Variants in ABCB1 observed in about 807,000 individuals in gnomAD.
ABCB1 encodes ATP-dependent translocase ABCB1.
ABCB1 carries 69 observed loss-of-function variants against 142.0 expected under a neutral mutation model. That is an observed-to-expected ratio of 0.49 (90% CI 0.40 to 0.59). The LOEUF is 0.59. Ranked by LOEUF, ABCB1 falls within the 20% of genes least tolerant of loss-of-function variation. ABCB1 has a pLI of 0.00. For synonymous variants in ABCB1, 532 were observed against 539.2 expected (o/e 0.99, Z 0.18); for missense variants, 1,326 against 1,554.7 (o/e 0.85, Z 2.47).
intron 8 of ABCB1, among the ~76,000 whole-genome samples, chr7:87,555,639 C>T (rs965435646): frequency 6.6e-6 from 1 of 152,042 alleles, no homozygotes; most frequent in Non-Finnish European, 1.5e-5. Context: ...AGTTTCTACC[C>T]CCCAAAATGT....
chr7:87,544,383 T>C, intron 16 of ABCB1, 108 bp from the exon 17 acceptor site: 1 of 1,099,524 alleles, frequency 9.1e-7, no homozygotes, highest in South Asian at 1.4e-5. Context: ...TTATTCCTTA[T>C]CAATGAATAA....
intron 20 of ABCB1, among the ~76,000 whole-genome samples, chr7:87,532,546 G>A (rs138438883): frequency 2.0e-5 from 3 of 152,196 alleles, no homozygotes; most frequent in East Asian, 3.9e-4. Flanking sequence ...ACACACCAGC[G>A]CCATGACAAT....
chr7:87,608,973 T>C (rs936280294), intron 1 of ABCB1, among the ~76,000 whole-genome samples: 2 of 152,222 alleles, frequency 1.3e-5, no homozygotes, highest in Admixed American at 6.5e-5. Context: ...GTACCCTGTA[T>C]ATGTCACATA....
At chr7:87,577,221 A>G (rs1005854455) in intron 4 of ABCB1, among the ~76,000 whole-genome samples, 3 of 152,044 alleles carry the variant, frequency 2.0e-5, no homozygotes, top group Non-Finnish European at 1.5e-5. Context: ...CTCCAGTTCC[A>G]TTTTTGTTGT....
intron 23 of ABCB1, among the ~76,000 whole-genome samples, chr7:87,518,719 A>G (rs1815357219): frequency 6.6e-6 from 1 of 152,174 alleles, no homozygotes; most frequent in South Asian, 2.1e-4. Flanking sequence ...GATTACACAT[A>G]CTTTTGACCA....
intron 8 of ABCB1, among the ~76,000 whole-genome samples, chr7:87,556,580 T>G (rs556885575): frequency 6.6e-6 from 1 of 152,270 alleles, no homozygotes; most frequent in African/African-American, 2.4e-5. Context: ...ACTTTCAAGT[T>G]ATATCCCAAA....
At chr7:87,707,516 A>T (rs1585160457) in intron 1 of ABCB1, among the ~76,000 whole-genome samples, 1 of 152,010 alleles carries the variant, frequency 6.6e-6, no homozygotes, top group African/African-American at 2.4e-5. Flanking sequence ...TCCACAAAAA[A>T]TACAAAAATT....
chr7:87,560,088 T>C (rs1375586823), intron 8 of ABCB1, among the ~76,000 whole-genome samples: 4 of 152,210 alleles, frequency 2.6e-5, no homozygotes, highest in African/African-American at 9.6e-5. Context: ...ATTTGATTAT[T>C]TGTGGTTGTC....
At chr7:87,568,240 G>GACAATAATAATAATAATAATA (rs1160421066) in intron 5 of ABCB1, among the ~76,000 whole-genome samples, 1,736 of 124,312 alleles carry the variant, frequency 0.014, 24 homozygotes, top group South Asian at 0.024. Context: ...CTAAAAATAC[G>GACAATAATAATAATAATAATA]ACAATAATAA....
At chr7:87,530,456 C>G (rs905803661) in intron 21 of ABCB1, among the ~76,000 whole-genome samples, 1 of 151,808 alleles carries the variant, frequency 6.6e-6, no homozygotes, top group African/African-American at 2.4e-5. Context: ...CTCAGCCCCA[C>G]TAGAAAAATG....
rs149359465 is a variant in ABCB1 at position 87,545,931 on chromosome 7, C to T, written c.1819G>A (p.Val607Met). ...AGTTCATCATGATTTCCTTTCTCCA[C>T]AATGACTCCATCATCGAAACCAGCG... ...VIAGFDDGVI[V>M]EKGNHDELMK... Residue 607 changes from valine (V) to methionine (M), a missense_variant, in exon 15 of 28, where the codon GTG becomes ATG. Transcript: ENST00000622132. The T allele has an allele frequency of 2.2e-5, 35 of 1,614,054 alleles. No homozygotes were observed. The African/African-American group carries it at 4.5e-4, about 21-fold the overall frequency.
chr7:87,577,385 A>G (rs901552901), intron 4 of ABCB1, among the ~76,000 whole-genome samples: 3 of 152,172 alleles, frequency 2.0e-5, no homozygotes, highest in African/African-American at 7.2e-5. Flanking sequence ...ATGGGAGTGC[A>G]GGTTCGATAT....
Position 87,666,274 on chromosome 7 carries a change from C to T in ABCB1, c.-331+46887G>A, listed in dbSNP as rs968820201. On this transcript the variant is annotated intron_variant, in intron 1 of 28. Transcript: ENST00000265724. ...GCTTTCTTTTCATATGCTTGTGGGC[C>T]GTGTGTATGCTTCCTTTGAAAAGTG... Among the ~76,000 whole-genome samples, 6 of 151,872 alleles carry T rather than the reference C, an allele frequency of 4.0e-5. 1 individual carries two copies. The East Asian group carries it at 5.8e-4, about 15-fold the overall frequency.
intron 1 of ABCB1, among the ~76,000 whole-genome samples, chr7:87,684,708 A>G (rs1040808467): frequency 2.9e-5 from 4 of 138,090 alleles, no homozygotes; most frequent in African/African-American, 1.1e-4. Context: ...AGATCGTGCC[A>G]CTGCACTCCA....
At chr7:87,620,172 T>C (rs1380877096) in intron 1 of ABCB1, among the ~76,000 whole-genome samples, 1 of 151,902 alleles carries the variant, frequency 6.6e-6, no homozygotes, top group Non-Finnish European at 1.5e-5. Flanking sequence ...TCTTTCTTTC[T>C]TTTTTTTAGA....
chr7:87,549,216 T>C (rs1304307873), intron 14 of ABCB1, 132 bp downstream of exon 14: 2 of 1,047,294 alleles, frequency 1.9e-6, no homozygotes, highest in Non-Finnish European at 2.8e-6. Flanking sequence ...CCAATGCTTT[T>C]ATTTTAATAG....
In ABCB1 at chr7:87,627,141, T is replaced by G. The variant is rs569837165; in HGVS notation, c.-330-26063A>C. Among the ~76,000 whole-genome samples the G allele has an allele frequency of 9.8e-5, 15 of 152,298 alleles. No homozygotes were observed. In the South Asian group the frequency reaches 2.9e-3, roughly 29 times the overall value. ...AGACATGGTAGCTGAAAAGGATGATTTTTTGACTATTTTAAATAGAGATTT... is the reference window on the plus strand; with the variant it reads ...AGACATGGTAGCTGAAAAGGATGATGTTTTGACTATTTTAAATAGAGATTT... On this transcript the variant is annotated intron_variant, in intron 1 of 28. Coordinates refer to the ABCB1 transcript ENST00000265724.
At chr7:87,656,937 A>G (rs1018606276) in intron 1 of ABCB1, among the ~76,000 whole-genome samples, 3 of 152,176 alleles carry the variant, frequency 2.0e-5, no homozygotes, top group Non-Finnish European at 4.4e-5. Flanking sequence ...AGTGCTGGGC[A>G]TACAGTAGGG....
intron 13 of ABCB1, 135 bp downstream of exon 13, chr7:87,549,716 A>C: frequency 7.5e-7 from 1 of 1,338,908 alleles, no homozygotes; most frequent in Non-Finnish European, 1.1e-6. Context: ...AGAGCTTTCA[A>C]ATCTGAAGTA....
Sources: gnomAD v4.1 joint callset for allele counts (sites outside exome capture counted in the v4.1 genomes callset) on GRCh38, gnomAD v4.1.1 for gene constraint, MANE v1.5 for transcripts, NCBI Gene and HGNC (gene_info 2026-07-23, HGNC 2026-07-21) for gene names.